CLEC7A: variants seen among roughly 807,000 people sequenced by gnomAD.
The protein encoded by CLEC7A is C-type lectin domain family 7 member A.
In CLEC7A, 25 loss-of-function variants were observed where a neutral mutation model predicts 26.9. The ratio of observed to expected loss-of-function variants is 0.93; its 90% CI spans 0.68 to 1.30. The LOEUF (loss-of-function observed/expected upper bound fraction) is 1.30, where lower values mean the gene tolerates loss of function less well. CLEC7A is among the 50% of genes most tolerant of loss of function. The pLI, the probability that CLEC7A is intolerant of heterozygous loss-of-function variation, is 0.00. For synonymous variants in CLEC7A, 100 were observed against 99.5 expected (o/e 1.01, Z -0.03); for missense variants, 275 against 286.7 (o/e 0.96, Z 0.29).
At chr12:10,124,898 G>A in intron 4 of CLEC7A, 1 of 192,556 alleles carries the variant, frequency 5.2e-6, no homozygotes, top group Non-Finnish European at 1.1e-5. Flanking sequence ...TAATTATAGA[G>A]ATATTAAAAA....
rs117172133 is a variant in CLEC7A, at chr12:10,123,171, G to A, written c.611+74C>T. On this transcript the variant is annotated intron_variant, in intron 5 of 5. Transcript: ENST00000304084. ...GAGCAAATCAGGTTCTTAGCTGCTC[G>A]ACAGAGGTTTTCATAGATGAGATGG... 142 of 927,938 alleles carry A rather than the reference G, an allele frequency of 1.5e-4. No homozygotes were observed. In the East Asian group the frequency reaches 3.3e-3, roughly 22 times the overall value. 57.5% of individuals were successfully genotyped at this position (927,938 alleles called of 1,614,324 possible).
At chr12:10,129,096 T>A (rs950257464) in intron 1 of CLEC7A, among the ~76,000 whole-genome samples, 3 of 152,222 alleles carry the variant, frequency 2.0e-5, no homozygotes, top group Non-Finnish European at 4.4e-5. Context: ...AATGCCCTTC[T>A]TTCTATTTCA....
chr12:10,126,745 A>G, intron 2 of CLEC7A, 37 bp from the exon 3 acceptor site: 2 of 1,535,368 alleles, frequency 1.3e-6, no homozygotes, highest in Non-Finnish European at 1.8e-6. Context: ...GACAGAAAAA[A>G]TGTCATTCTG....
At chr12:10,127,279 G>A in intron 2 of CLEC7A, 1 of 1,461,790 alleles carries the variant, frequency 6.8e-7, no homozygotes, top group South Asian at 1.3e-5. Flanking sequence ...TTATATTAAA[G>A]ATCGGAAATA....
At position 10,118,567 on chromosome 12, in the gene CLEC7A, G is replaced by A; in HGVS notation, c.635C>T (p.Thr212Ile). The A allele has an allele frequency of 6.2e-7, 1 of 1,613,458 alleles. No homozygotes were observed. The highest frequency in any genetic ancestry group is 8.5e-7 in the Non-Finnish European group (1 of 1,179,470). ...ACAATTTGGAGATGGGTTTTCTTGG[G>A]TAGCTGTGGTTCTGATCTGAAATCT... is the stretch of plus-strand genomic sequence containing the variant. ...SNLFQIRTTA[T>I]QENPSPNCVW... The change falls in exon 6 of 6, where the codon ACC becomes ATC. Residue 212 changes from threonine to isoleucine, a missense_variant. Physicochemically the swap from Thr to Ile is moderately conservative, Grantham distance 89. Coordinates refer to ENST00000304084, the MANE Select transcript of CLEC7A (RefSeq NM_197947.3).
At chr12:10,124,948 C>T in intron 4 of CLEC7A, 1 of 232,720 alleles carries the variant, frequency 4.3e-6, no homozygotes, top group Admixed American at 5.2e-5. Context: ...CCTGTAATCC[C>T]AACACTGGGA....
At chr12:10,128,207 A>AACACACAC (rs71860807) in intron 1 of CLEC7A, among the ~76,000 whole-genome samples, 1,512 of 132,794 alleles carry the variant, frequency 0.011, 17 homozygotes, top group African/African-American at 0.034. Context: ...ACCCTGTTAA[A>AACACACAC]ACACACACAC....
At chr12:10,127,304 T>C (rs1019859560) in intron 2 of CLEC7A, 28 of 1,505,274 alleles carry the variant, frequency 1.9e-5, no homozygotes, top group African/African-American at 4.2e-5. Flanking sequence ...CCTTAAATAA[T>C]GTGAATCATA....
At chr12:10,119,461 C>T (rs1185354560) in intron 5 of CLEC7A, among the ~76,000 whole-genome samples, 1 of 152,018 alleles carries the variant, frequency 6.6e-6, no homozygotes. Context: ...ATAAATGCCA[C>T]CCGGAAAACA....
intron 2 of CLEC7A, 177 bp downstream of exon 2, chr12:10,127,570 G>T: frequency 9.9e-7 from 1 of 1,007,578 alleles, no homozygotes; most frequent in Non-Finnish European, 1.6e-6. Flanking sequence ...TAACCTCTCA[G>T]TCTCTCACAC....
intron 5 of CLEC7A, among the ~76,000 whole-genome samples, chr12:10,120,724 G>A (rs963124232): frequency 5.4e-5 from 8 of 147,550 alleles, no homozygotes; most frequent in African/African-American, 1.8e-4. Context: ...CCCCGCGCCC[G>A]GCCCAAGGGC....
At chr12:10,127,142 A>G in intron 2 of CLEC7A, 1 of 1,128,054 alleles carries the variant, frequency 8.9e-7, no homozygotes, top group Non-Finnish European at 1.2e-6. Flanking sequence ...GAATGTCATG[A>G]AGACTCTCTG....
At chr12:10,126,336 A>C in intron 3 of CLEC7A, 1 of 982,572 alleles carries the variant, frequency 1.0e-6, no homozygotes, top group Non-Finnish European at 1.2e-6. Flanking sequence ...ACTGATTTTA[A>C]AAATTAATAA....
intron 4 of CLEC7A, 151 bp downstream of exon 4, chr12:10,125,146 A>C (rs1413521523): frequency 2.6e-6 from 2 of 773,808 alleles, no homozygotes; most frequent in Admixed American, 2.1e-5. Flanking sequence ...GCTTCACTGC[A>C]CTCTAGCTTG....
At chr12:10,126,093 G>T in intron 3 of CLEC7A, 1 of 726,832 alleles carries the variant, frequency 1.4e-6, no homozygotes, top group Non-Finnish European at 1.7e-6. Context: ...AGGGACATGT[G>T]TATTAGGTCT....
chr12:10,127,902 G>T, intron 1 of CLEC7A, 57 bp from the exon 2 acceptor site: 2 of 1,213,088 alleles, frequency 1.6e-6, no homozygotes, highest in Non-Finnish European at 2.3e-6. Context: ...GGATGGTGGG[G>T]CAGTTTAATT....
At chr12:10,127,706 A>G in intron 2 of CLEC7A, 41 bp downstream of exon 2, 1 of 1,321,294 alleles carries the variant, frequency 7.6e-7, no homozygotes, top group Middle Eastern at 1.8e-4. Flanking sequence ...ATAATTGCTT[A>G]CTAAATTGTC....
intron 3 of CLEC7A, chr12:10,126,108 C>G: frequency 1.1e-6 from 1 of 886,648 alleles, no homozygotes; most frequent in Non-Finnish European, 1.4e-6. Context: ...AGGTCTACCT[C>G]TTTTGTATAT....
chr12:10,122,766 C>A (rs1054551241), intron 5 of CLEC7A, among the ~76,000 whole-genome samples: 1 of 152,098 alleles, frequency 6.6e-6, no homozygotes, highest in African/African-American at 2.4e-5. Flanking sequence ...GCTGGGATTA[C>A]GGGTGTGAGC....
Sources: allele counts gnomAD v4.1 joint callset (sites outside exome capture counted in the v4.1 genomes callset), GRCh38; gene constraint gnomAD v4.1.1; transcripts MANE v1.5; gene names NCBI Gene and HGNC (gene_info 2026-07-23, HGNC 2026-07-21).